RCL1: variants seen among roughly 807,000 people sequenced by gnomAD.
RCL1 encodes RNA terminal phosphate cyclase like 1, also known as RNA 3'-terminal phosphate cyclase-like protein.
RCL1 carries 24 observed loss-of-function variants against 42.4 expected under a neutral mutation model. That is an observed-to-expected ratio of 0.57 (90% CI 0.41 to 0.80). The LOEUF (loss-of-function observed/expected upper bound fraction) is 0.80. Ranked by LOEUF, RCL1 falls within the 30% of genes least tolerant of loss-of-function variation. RCL1 has a pLI of 0.00. For synonymous variants in RCL1, 228 were observed against 177.3 expected, an observed-to-expected ratio of 1.29 and a Z score of -2.27; for missense variants, 578 against 467.9, an observed-to-expected ratio of 1.24 and a Z score of -2.17.
At chr9:4,808,030 G>C (rs1021205862) in intron 1 of RCL1, among the ~76,000 whole-genome samples, 1 of 151,984 alleles carries the variant, frequency 6.6e-6, no homozygotes, top group Non-Finnish European at 1.5e-5. Context: ...TTCTTCTCTT[G>C]TTGGGTGGAG....
At chr9:4,820,144 G>A (rs1816540040) in intron 1 of RCL1, among the ~76,000 whole-genome samples, 1 of 152,144 alleles carries the variant, frequency 6.6e-6, no homozygotes, top group Admixed American at 6.5e-5. Flanking sequence ...TAGTAAAATT[G>A]TGCTTGTTTT....
rs114722617 is a variant in RCL1, at chr9:4,823,955, G to T, written c.208+336G>T. On this transcript the variant is annotated intron_variant, in intron 2 of 8. Coordinates refer to ENST00000381750, the MANE Select transcript of RCL1 (RefSeq NM_005772.5). ...GATGGAAAGACCCAGTTACCTCTCT[G>T]TGATATGATTTTCCAGAGACATACA... 4.0e-3 allele frequency among the ~76,000 whole-genome samples: 604 copies of T among 152,192 alleles called. 1 individual carries two copies. Among genetic ancestry groups the T allele is most frequent in the African/African-American group, 0.014 (568 of 41,548 alleles).
intron 1 of RCL1, among the ~76,000 whole-genome samples, chr9:4,793,451 T>C (rs966230040): frequency 6.6e-6 from 1 of 152,212 alleles, no homozygotes. Context: ...GCTCGGCGTC[T>C]CCGGGGCGCT....
intron 1 of RCL1, among the ~76,000 whole-genome samples, chr9:4,818,441 A>G (rs567669179): frequency 2.0e-5 from 3 of 152,282 alleles, no homozygotes; most frequent in East Asian, 3.9e-4. Flanking sequence ...AAACATACAT[A>G]TTTGCAAGTG....
At chr9:4,796,272 C>T (rs1425542271) in intron 1 of RCL1, among the ~76,000 whole-genome samples, 1 of 152,078 alleles carries the variant, frequency 6.6e-6, no homozygotes, top group Non-Finnish European at 1.5e-5. Context: ...TTGTTATTTC[C>T]ATGTTTAAGT....
At chr9:4,793,658 C>G (rs1468260315) in intron 1 of RCL1, among the ~76,000 whole-genome samples, 1 of 152,200 alleles carries the variant, frequency 6.6e-6, no homozygotes, top group African/African-American at 2.4e-5. Flanking sequence ...TGGTTCTCTG[C>G]CCTGTCTCAA....
At chr9:4,794,933 C>A (rs1381849733) in intron 1 of RCL1, among the ~76,000 whole-genome samples, 1 of 152,162 alleles carries the variant, frequency 6.6e-6, no homozygotes, top group Non-Finnish European at 1.5e-5. Context: ...GGCAGGTGTG[C>A]TGGTATTTTA....
At chr9:4,807,573 G>T (rs1182418797) in intron 1 of RCL1, among the ~76,000 whole-genome samples, 1 of 152,174 alleles carries the variant, frequency 6.6e-6, no homozygotes, top group African/African-American at 2.4e-5. Context: ...AGGCTGGAGT[G>T]CAATGGCATG....
chr9:4,839,194 C>G (rs1000498451), intron 5 of RCL1, among the ~76,000 whole-genome samples: 28 of 152,206 alleles, frequency 1.8e-4, no homozygotes, highest in African/African-American at 6.0e-4. Context: ...TTGCCTTCTT[C>G]ATTTCATTGC....
chr9:4,804,664 T>G, intron 1 of RCL1: 1 of 155,630 alleles, frequency 6.4e-6, no homozygotes, highest in South Asian at 1.7e-4. Flanking sequence ...AACGCCCCGA[T>G]GCCCCTGGCC....
intron 1 of RCL1, among the ~76,000 whole-genome samples, chr9:4,812,759 A>G (rs575456701): frequency 2.6e-5 from 4 of 152,098 alleles, no homozygotes; most frequent in Middle Eastern, 6.8e-3. Context: ...TGTGTGTCCT[A>G]AAGTTTTCCT....
intron 3 of RCL1, among the ~76,000 whole-genome samples, chr9:4,827,794 TTAGAGAAGTC>T (rs754999576): frequency 2.2e-3 from 318 of 144,968 alleles, no homozygotes; most frequent in Middle Eastern, 0.022. Flanking sequence ...GAGAGAGAGA[TTAGAGAAGTC>T]TAGAGAAGTC....
intron 1 of RCL1, 98 bp downstream of exon 1, chr9:4,793,325 G>A (rs988373612): frequency 1.5e-6 from 2 of 1,343,584 alleles, no homozygotes; most frequent in Non-Finnish European, 2.0e-6. Context: ...GGGCGGCTCG[G>A]CGTCCGGCGA....
At chr9:4,839,131 T>TAGGA (rs1274782319) in intron 5 of RCL1, among the ~76,000 whole-genome samples, 1 of 152,208 alleles carries the variant, frequency 6.6e-6, no homozygotes, top group Non-Finnish European at 1.5e-5. Flanking sequence ...CATTCCTTAG[T>TAGGA]AGGACATCCA....
chr9:4,817,629 TG>T (rs1056138284), intron 1 of RCL1, among the ~76,000 whole-genome samples: 4 of 151,934 alleles, frequency 2.6e-5, no homozygotes, highest in Middle Eastern at 3.2e-3. Context: ...TAGCTGGGAC[TG>T]GGGCTACTGG....
chr9:4,837,748 C>G (rs1440243107), intron 5 of RCL1, among the ~76,000 whole-genome samples: 1 of 152,146 alleles, frequency 6.6e-6, no homozygotes, highest in Admixed American at 6.6e-5. Flanking sequence ...TAACTATGTT[C>G]CTCCCTGGCT....
chr9:4,844,374 T>G (rs373887871), intron 6 of RCL1, 151 bp from the exon 7 acceptor site: 129 of 540,400 alleles, frequency 2.4e-4, no homozygotes, highest in Middle Eastern at 1.4e-3. Context: ...GCTAGTAAAC[T>G]AGTAGCAACT....
At chr9:4,859,172 A>G (rs890142587) in intron 8 of RCL1, among the ~76,000 whole-genome samples, 2 of 152,238 alleles carry the variant, frequency 1.3e-5, no homozygotes, top group South Asian at 2.1e-4. Context: ...ACTGCGGTTC[A>G]TCCACAGAAT....
intron 2 of RCL1, 29 bp downstream of exon 2, chr9:4,823,648 C>T: frequency 1.4e-6 from 2 of 1,454,790 alleles, no homozygotes. Flanking sequence ...CCTAAAAGCA[C>T]CTCCATGCAC....
Sources: gnomAD v4.1 joint callset for allele counts (sites outside exome capture counted in the v4.1 genomes callset) on GRCh38, gnomAD v4.1.1 for gene constraint, MANE v1.5 for transcripts, NCBI Gene and HGNC (gene_info 2026-07-23, HGNC 2026-07-21) for gene names.